Variants in ZNF536 observed in about 807,000 individuals in gnomAD.
ZNF536 encodes zinc finger protein 536.
In ZNF536, 13 loss-of-function variants were observed where a neutral mutation model predicts 84.5. The ratio of observed to expected loss-of-function variants is 0.15; its 90% CI spans 0.10 to 0.24. The LOEUF (loss-of-function observed/expected upper bound fraction) is 0.24. Ranked by LOEUF, ZNF536 falls within the 10% of genes least tolerant of loss-of-function variation. ZNF536 has a pLI of 1.00. For missense variants in ZNF536, 1,536 were observed against 1,747.5 expected (o/e 0.88, Z 2.16); for synonymous variants, 811 against 742.5 (o/e 1.09, Z -1.50).
chr19:30,412,326 C>T (rs1010287079), intron 1 of ZNF536, among the ~76,000 whole-genome samples: 1 of 151,852 alleles, frequency 6.6e-6, no homozygotes, highest in Non-Finnish European at 1.5e-5. Context: ...AATGTTTTGC[C>T]ATTAAACATA....
At chr19:30,352,266 C>T (rs891283204) in intron 2 of ZNF536, 2 of 152,210 alleles carry the variant, frequency 1.3e-5, no homozygotes, top group Non-Finnish European at 2.9e-5. Flanking sequence ...CATCTTTAAC[C>T]TTTTCCGTTG....
At chr19:30,440,445 T>C (rs1055994505) in intron 1 of ZNF536, among the ~76,000 whole-genome samples, 14 of 152,156 alleles carry the variant, frequency 9.2e-5, no homozygotes, top group Admixed American at 3.9e-4. Flanking sequence ...CCACATCAAG[T>C]TGAGGTTAGA....
chr19:30,435,750 C>T (rs1301865544), intron 1 of ZNF536, among the ~76,000 whole-genome samples: 4 of 152,078 alleles, frequency 2.6e-5, no homozygotes, highest in Non-Finnish European at 5.9e-5. Context: ...CAGAAGGTGA[C>T]CCAGGGATCC....
chr19:30,354,254 CT>C (rs1333222553), intron 3 of ZNF536, among the ~76,000 whole-genome samples: 3 of 151,874 alleles, frequency 2.0e-5, no homozygotes, highest in Non-Finnish European at 4.4e-5. Context: ...CATGTGTGTC[CT>C]CTGGGAATGA....
At chr19:30,474,340 T>A (rs1250172753) in intron 2 of ZNF536, among the ~76,000 whole-genome samples, 3 of 152,062 alleles carry the variant, frequency 2.0e-5, no homozygotes, top group African/African-American at 7.2e-5. Flanking sequence ...TCTGTGTGTG[T>A]GTGTGTGAAA....
chr19:30,537,391 T>C (rs2045131434), intron 3 of ZNF536, among the ~76,000 whole-genome samples: 1 of 151,816 alleles, frequency 6.6e-6, no homozygotes, highest in Admixed American at 6.6e-5. Flanking sequence ...CCTGCAGGAG[T>C]GTGGAAACCA....
intron 1 of ZNF536, among the ~76,000 whole-genome samples, chr19:30,619,991 G>A (rs986835928): frequency 6.7e-6 from 1 of 150,126 alleles, no homozygotes; most frequent in Admixed American, 6.6e-5. Flanking sequence ...AAAGCATGCT[G>A]CCCCACCATC....
intron 2 of ZNF536, among the ~76,000 whole-genome samples, chr19:30,347,575 A>T (rs2047788277): frequency 6.6e-6 from 1 of 152,116 alleles, no homozygotes; most frequent in South Asian, 2.1e-4. Flanking sequence ...CGGGGTCAGG[A>T]TGTGACTTAT....
intron 2 of ZNF536, among the ~76,000 whole-genome samples, chr19:30,514,691 A>G (rs552265255): frequency 6.6e-6 from 1 of 152,096 alleles, no homozygotes; most frequent in African/African-American, 2.4e-5. Flanking sequence ...CTGCCCCTCC[A>G]GGCTGTGCTT....
intron 1 of ZNF536, among the ~76,000 whole-genome samples, chr19:30,430,303 T>G (rs2051398052): frequency 6.6e-6 from 1 of 152,204 alleles, no homozygotes; most frequent in Admixed American, 6.5e-5. Flanking sequence ...TTTGATTATT[T>G]ATTTATTTGC....
intron 2 of ZNF536, among the ~76,000 whole-genome samples, chr19:30,341,782 G>A (rs1034011972): frequency 6.6e-6 from 1 of 151,958 alleles, no homozygotes; most frequent in African/African-American, 2.4e-5. Context: ...GTGCTCTAAA[G>A]GAAAGTATGA....
At chr19:30,332,740 T>C (rs2047254242) in intron 2 of ZNF536, among the ~76,000 whole-genome samples, 1 of 152,222 alleles carries the variant, frequency 6.6e-6, no homozygotes, top group African/African-American at 2.4e-5. Context: ...TGCTCCTTGC[T>C]GTGACCTAGC....
At chr19:30,341,657 A>G (rs1221875746) in intron 2 of ZNF536, among the ~76,000 whole-genome samples, 2 of 151,022 alleles carry the variant, frequency 1.3e-5, no homozygotes, top group Non-Finnish European at 3.0e-5. Flanking sequence ...ACTTGCAGAG[A>G]TTTTTTTTTC....
intron 1 of ZNF536, among the ~76,000 whole-genome samples, chr19:30,692,831 C>A (rs1037747083): frequency 1.3e-5 from 2 of 152,196 alleles, no homozygotes; most frequent in Admixed American, 1.3e-4. Context: ...CCCTTCTGCT[C>A]CCTGTGGCAT....
At chr19:30,623,020 G>GTTTTTT (rs66483120) in intron 1 of ZNF536, among the ~76,000 whole-genome samples, 2 of 129,538 alleles carry the variant, frequency 1.5e-5, no homozygotes, top group Non-Finnish European at 3.2e-5. Context: ...AAAATCTTGT[G>GTTTTTT]TTTTTTTTTT....
At chr19:30,601,102 C>G (rs971730409) in intron 1 of ZNF536, among the ~76,000 whole-genome samples, 1 of 152,130 alleles carries the variant, frequency 6.6e-6, no homozygotes. Context: ...ACAGTGAGGA[C>G]GCTGAAATCT....
chr19:30,309,286 G>A (rs1021839425), intron 2 of ZNF536, among the ~76,000 whole-genome samples: 28 of 152,170 alleles, frequency 1.8e-4, no homozygotes, highest in East Asian at 1.9e-4. Flanking sequence ...ACAAAGTTCC[G>A]GGAAGGTTGC....
chr19:30,400,276 GT>G (rs1219041067), intron 1 of ZNF536, among the ~76,000 whole-genome samples: 4 of 152,042 alleles, frequency 2.6e-5, no homozygotes, highest in African/African-American at 4.8e-5. Context: ...GTAAGGGTAT[GT>G]TTTATTTTTT....
At chr19:30,640,837 G>T (rs2049242412) in intron 1 of ZNF536, among the ~76,000 whole-genome samples, 1 of 152,204 alleles carries the variant, frequency 6.6e-6, no homozygotes, top group African/African-American at 2.4e-5. Flanking sequence ...CCTGGGCTAG[G>T]GCCTCGTGTC....
Sources: allele counts gnomAD v4.1 joint callset (sites outside exome capture counted in the v4.1 genomes callset), GRCh38; gene constraint gnomAD v4.1.1; transcripts MANE v1.5; gene names NCBI Gene and HGNC (gene_info 2026-07-23, HGNC 2026-07-21).